The following KCNB2 variants were observed in gnomAD, a reference collection of about 807,000 sequenced individuals.
The protein encoded by KCNB2 is delayed rectifier potassium channel protein.
In KCNB2, 15 loss-of-function variants were observed where a neutral mutation model predicts 61.5. The ratio of observed to expected loss-of-function variants is 0.24; its 90% CI spans 0.16 to 0.38. KCNB2 has a LOEUF of 0.38. Among genes scored for constraint, KCNB2 ranks in the 10% least tolerant of loss-of-function variants. The pLI, the probability that KCNB2 is intolerant of heterozygous loss-of-function variation, is 1.00. For missense variants in KCNB2, 828 were observed against 1,125.2 expected (o/e 0.74, Z 3.78); for synonymous variants, 457 against 446.0 (o/e 1.02, Z -0.31).
intron 2 of KCNB2, among the ~76,000 whole-genome samples, chr8:72,760,509 G>A (rs774351378): frequency 6.6e-6 from 1 of 152,146 alleles, no homozygotes; most frequent in Non-Finnish European, 1.5e-5. Flanking sequence ...TGGACCAGCA[G>A]CAACAGCATC....
At chr8:72,894,297 C>G (rs1282025117) in intron 2 of KCNB2, among the ~76,000 whole-genome samples, 1 of 151,996 alleles carries the variant, frequency 6.6e-6, no homozygotes, top group East Asian at 1.9e-4. Context: ...CTGGTGATCA[C>G]TGGTCAAGGT....
intron 2 of KCNB2, among the ~76,000 whole-genome samples, chr8:72,916,475 G>T (rs914864588): frequency 6.6e-6 from 1 of 152,116 alleles, no homozygotes; most frequent in African/African-American, 2.4e-5. Flanking sequence ...ACTCCATGGG[G>T]GCCCTGCAGC....
chr8:72,807,540 T>C (rs1165397961), intron 2 of KCNB2, among the ~76,000 whole-genome samples: 1 of 152,352 alleles, frequency 6.6e-6, no homozygotes, highest in East Asian at 1.9e-4. Context: ...TGCCTTTGCA[T>C]GTATCAGACT....
chr8:72,624,268 C>G (rs113803528), intron 2 of KCNB2, among the ~76,000 whole-genome samples: 1 of 152,124 alleles, frequency 6.6e-6, no homozygotes, highest in African/African-American at 2.4e-5. Context: ...TTGGATAGTT[C>G]GGGTAGAAAA....
intron 2 of KCNB2, among the ~76,000 whole-genome samples, chr8:72,713,218 G>T (rs1034801203): frequency 6.6e-6 from 1 of 152,344 alleles, no homozygotes; most frequent in Non-Finnish European, 1.5e-5. Flanking sequence ...TGCCTCTGTA[G>T]GCTCCACCTC....
intron 2 of KCNB2, among the ~76,000 whole-genome samples, chr8:72,705,153 A>G (rs139259995): frequency 9.9e-5 from 15 of 152,252 alleles, no homozygotes; most frequent in African/African-American, 3.4e-4. Context: ...TCCCTTTGAC[A>G]TCTTTTCTCA....
intron 2 of KCNB2, among the ~76,000 whole-genome samples, chr8:72,649,661 A>T (rs1806184337): frequency 6.6e-6 from 1 of 152,174 alleles, no homozygotes; most frequent in African/African-American, 2.4e-5. Flanking sequence ...TACTTCCATG[A>T]TGGGAAGTGT....
At chr8:72,720,640 G>A (rs1807533460) in intron 2 of KCNB2, among the ~76,000 whole-genome samples, 1 of 151,914 alleles carries the variant, frequency 6.6e-6, no homozygotes. Flanking sequence ...CTCAGTCATG[G>A]GTCCATTCAT....
intron 2 of KCNB2, among the ~76,000 whole-genome samples, chr8:72,621,233 C>T (rs924813351): frequency 1.3e-5 from 2 of 152,146 alleles, no homozygotes; most frequent in African/African-American, 4.8e-5. Flanking sequence ...TCAATCCCAA[C>T]GTGTCAGTAA....
intron 2 of KCNB2, among the ~76,000 whole-genome samples, chr8:72,725,559 ATATATG>A (rs1302500388): frequency 0.03 from 1,747 of 58,166 alleles, 63 homozygotes; most frequent in African/African-American, 0.095. Flanking sequence ...ATATATATGT[ATATATG>A]TATATATATG....
At chr8:72,576,752 A>C (rs1363702458) in intron 2 of KCNB2, among the ~76,000 whole-genome samples, 1 of 152,202 alleles carries the variant, frequency 6.6e-6, no homozygotes, top group African/African-American at 2.4e-5. Flanking sequence ...ACCGTAGTTG[A>C]TGATCACTTT....
chr8:72,892,166 C>A (rs1410849365), intron 2 of KCNB2, among the ~76,000 whole-genome samples: 1 of 152,176 alleles, frequency 6.6e-6, no homozygotes, highest in East Asian at 1.9e-4. Context: ...TCATTTTAAA[C>A]CCCTCTCCCA....
chr8:72,850,543 C>A (rs1810083561), intron 2 of KCNB2, among the ~76,000 whole-genome samples: 1 of 151,994 alleles, frequency 6.6e-6, no homozygotes, highest in African/African-American at 2.4e-5. Flanking sequence ...TAATAAATTG[C>A]AAAAAGCCTC....
At position 72,821,293 on chromosome 8, in the gene KCNB2, T is replaced by C. The variant is rs748604203; in HGVS notation, c.580-114642T>C. On this transcript the variant is annotated intron_variant, in intron 2 of 2. Transcript: ENST00000523207. ...TTAAATATATAGTGTTTATTATTAA[T>C]ATGCCTGATTATTAGAAAGTTAGTC... Among the ~76,000 whole-genome samples the C allele has an allele frequency of 2.6e-4, 40 of 152,106 alleles. 1 individual carries two copies. The highest frequency in any genetic ancestry group is 5.9e-5 in the Non-Finnish European group (4 of 68,022).
chr8:72,807,044 G>A lies in KCNB2; in HGVS notation c.580-128891G>A, dbSNP rs180946072. ...AAGATTGGCATGAAGGAAATGGCAC[G>A]AAGGAAAAGGAGGAGAGGTTTCCTA... On this transcript the variant is annotated intron_variant, in intron 2 of 2. Coordinates refer to ENST00000523207, the MANE Select transcript of KCNB2 (RefSeq NM_004770.3). Among the ~76,000 whole-genome samples, 38 of 152,242 alleles carry A rather than the reference G, an allele frequency of 2.5e-4. No homozygotes were observed. In the East Asian group the frequency reaches 4.6e-3, roughly 19 times the overall value.
chr8:72,696,766 A>G (rs1807024926), intron 2 of KCNB2, among the ~76,000 whole-genome samples: 1 of 152,176 alleles, frequency 6.6e-6, no homozygotes. Flanking sequence ...AACCATGGAC[A>G]TGCTAAAAGT....
At chr8:72,689,615 G>A (rs1806909470) in intron 2 of KCNB2, among the ~76,000 whole-genome samples, 1 of 152,052 alleles carries the variant, frequency 6.6e-6, no homozygotes, top group African/African-American at 2.4e-5. Flanking sequence ...CTATAGATTT[G>A]CCTTTTCTGG....
chr8:72,910,954 G>A (rs1195303926), intron 2 of KCNB2, among the ~76,000 whole-genome samples: 1 of 152,166 alleles, frequency 6.6e-6, no homozygotes, highest in Admixed American at 6.5e-5. Context: ...AGACACTGCT[G>A]AAGGAAAGGG....
chr8:72,807,689 A>G (rs1809247448), intron 2 of KCNB2, among the ~76,000 whole-genome samples: 1 of 152,230 alleles, frequency 6.6e-6, no homozygotes, highest in African/African-American at 2.4e-5. Flanking sequence ...AACACCATCT[A>G]GATGACATCT....
Sources: allele counts gnomAD v4.1 joint callset (sites outside exome capture counted in the v4.1 genomes callset), GRCh38; gene constraint gnomAD v4.1.1; transcripts MANE v1.5; gene names NCBI Gene and HGNC (gene_info 2026-07-23, HGNC 2026-07-21).